The following CCDC93 variants were observed in gnomAD, a reference collection of about 807,000 sequenced individuals.
The protein encoded by CCDC93 is coiled-coil domain-containing protein 93.
CCDC93 carries 61 observed loss-of-function variants against 108.2 expected under a neutral mutation model. That is an observed-to-expected ratio of 0.56 (90% CI 0.46 to 0.70). The LOEUF is 0.70. Among genes scored for constraint, CCDC93 ranks in the 30% least tolerant of loss-of-function variants. The probability of loss-of-function intolerance (pLI) is 0.00; values close to 1 mark genes in which losing one functional copy is unlikely to be tolerated. For missense variants in CCDC93, 685 were observed against 764.2 expected (o/e 0.90, Z 1.22); for synonymous variants, 276 against 260.4 (o/e 1.06, Z -0.58).
chr2:117,983,675 T>C (rs1206581394), intron 7 of CCDC93, among the ~76,000 whole-genome samples: 6 of 89,948 alleles, frequency 6.7e-5, no homozygotes, highest in East Asian at 5.4e-4. Flanking sequence ...TATATATATA[T>C]ATAGTCATAT....
chr2:117,926,288 T>C (rs1229313009), intron 23 of CCDC93, among the ~76,000 whole-genome samples: 6 of 151,532 alleles, frequency 4.0e-5, no homozygotes, highest in Admixed American at 1.3e-4. Flanking sequence ...CTGAAGGAAA[T>C]AGAGACATAA....
intron 3 of CCDC93, among the ~76,000 whole-genome samples, 168 bp downstream of exon 3, chr2:118,006,554 C>G (rs1010064269): frequency 6.6e-6 from 1 of 152,202 alleles, no homozygotes; most frequent in African/African-American, 2.4e-5. Context: ...AGCTGTGTGA[C>G]CTTGGCTTCT....
At chr2:118,002,404 T>C (rs1676728924) in intron 3 of CCDC93, among the ~76,000 whole-genome samples, 1 of 152,156 alleles carries the variant, frequency 6.6e-6, no homozygotes, top group African/African-American at 2.4e-5. Context: ...CTAGGTGACC[T>C]AGGAACTAAA....
At chr2:117,939,244 C>T (rs1008086013) in intron 19 of CCDC93, 133 bp from the exon 20 acceptor site, 12 of 583,062 alleles carry the variant, frequency 2.1e-5, no homozygotes, top group African/African-American at 3.8e-5. Context: ...AACCCCACAG[C>T]GTGCAAACTG....
chr2:117,920,431 G>GCTAATGTAGTC, intron 23 of CCDC93, 35 bp from the exon 24 acceptor site: 1 of 1,507,686 alleles, frequency 6.6e-7, no homozygotes, highest in Non-Finnish European at 9.2e-7. Context: ...AGAGAGTGGT[G>GCTAATGTAGTC]ACTACATTAG....
In CCDC93 at chr2:117,920,373, C is replaced by G; in HGVS notation, c.1866G>C (p.Leu622=). Residue 622 remains leucine (L), a synonymous_variant, in exon 24 of 24, where the codon CTG becomes CTC. Transcript: ENST00000376300. ...AGGCCTTCGCTTTCACCTTGGACAG[C>G]AGCATCTCGTTCTTGCGGCCCTCCT... The part of the protein sequence containing the change: ...FKEEGRKNEM[L]LSKVKAKAS 6.2e-7 allele frequency: 1 copy of G among 1,613,282 alleles called. No individual in the cohort carries two copies. The highest frequency in any genetic ancestry group is 8.5e-7 in the Non-Finnish European group (1 of 1,179,372).
At chr2:117,948,760 A>G (rs1678956192) in intron 14 of CCDC93, among the ~76,000 whole-genome samples, 1 of 152,236 alleles carries the variant, frequency 6.6e-6, no homozygotes, top group African/African-American at 2.4e-5. Flanking sequence ...CATTCAAATA[A>G]GCAGCTCCCA....
intron 18 of CCDC93, 146 bp from the exon 19 acceptor site, chr2:117,941,443 G>C: frequency 1.6e-6 from 1 of 631,412 alleles, no homozygotes; most frequent in Non-Finnish European, 2.8e-6. Context: ...TGGGCTTAAA[G>C]GTCCCCATCT....
intron 13 of CCDC93, 142 bp from the exon 14 acceptor site, chr2:117,949,537 C>T (rs975152382): frequency 1.5e-6 from 1 of 676,102 alleles, no homozygotes; most frequent in African/African-American, 1.8e-5. Flanking sequence ...TAGGTAATTA[C>T]ATCATACAAC....
At chr2:117,944,589 C>G in intron 17 of CCDC93, 1 of 379,158 alleles carries the variant, frequency 2.6e-6, no homozygotes, top group South Asian at 2.1e-5. Context: ...CTCATTGAAC[C>G]CAGCAATGAG....
At chr2:117,998,598 CA>C (rs1680740770) in intron 4 of CCDC93, 1 of 152,210 alleles carries the variant, frequency 6.6e-6, no homozygotes, top group African/African-American at 2.4e-5. Flanking sequence ...TGGGCCCTCC[CA>C]TCCAGACAGA....
intron 18 of CCDC93, 102 bp downstream of exon 18, chr2:117,943,922 A>G (rs755484421): frequency 3.5e-5 from 25 of 720,158 alleles, no homozygotes; most frequent in Non-Finnish European, 5.4e-5. Context: ...CTCATTACTT[A>G]TTTTCTCTAG....
At position 117,939,077 on chromosome 2, in the gene CCDC93, G is replaced by A. The variant is rs751189136; in HGVS notation, c.1557C>T (p.Phe519=). Reference sequence around the variant, plus strand: ...TATCATCCAGGGTATTATATAAAGTGAAGAACTGCTTGGTTTCTTTGTGCA... The same window carrying A: ...TATCATCCAGGGTATTATATAAAGTAAAGAACTGCTTGGTTTCTTTGTGCA... ...SAVHKETKQF[F]TLYNTLDDKK... The change falls in exon 20 of 24, where the codon TTC becomes TTT. Residue 519 remains phenylalanine, a synonymous_variant. Coordinates refer to ENST00000376300, the MANE Select transcript of CCDC93 (RefSeq NM_019044.5). The A allele has an allele frequency of 1.6e-5, 25 of 1,607,450 alleles. No individual in the cohort carries two copies. The highest frequency in any genetic ancestry group is 2.0e-5 in the Non-Finnish European group (24 of 1,174,442).
chr2:117,936,609 C>G (rs1325021358), intron 21 of CCDC93, 93 bp downstream of exon 21: 5 of 1,002,834 alleles, frequency 5.0e-6, no homozygotes, highest in Non-Finnish European at 8.0e-6. Context: ...TTGCATGTAC[C>G]TTTGTCAAGC....
intron 20 of CCDC93, 143 bp from the exon 21 acceptor site, chr2:117,936,882 GA>G (rs929776238): frequency 8.5e-5 from 57 of 667,496 alleles, no homozygotes; most frequent in East Asian, 1.1e-4. Flanking sequence ...AGTAACATAT[GA>G]AAAAAAAATT....
intron 3 of CCDC93, among the ~76,000 whole-genome samples, chr2:118,006,053 T>C (rs1181809143): frequency 1.3e-5 from 2 of 152,142 alleles, no homozygotes; most frequent in Non-Finnish European, 2.9e-5. Context: ...CTTTGCTCCA[T>C]TTTCCCACCA....
intron 6 of CCDC93, among the ~76,000 whole-genome samples, chr2:117,991,973 C>T (rs1680487692): frequency 1.3e-5 from 2 of 152,100 alleles, no homozygotes; most frequent in African/African-American, 2.4e-5. Flanking sequence ...TAAAGAAGGG[C>T]TTGCAGAAGT....
At chr2:117,927,991 C>G (rs1373616635) in intron 23 of CCDC93, among the ~76,000 whole-genome samples, 1 of 152,016 alleles carries the variant, frequency 6.6e-6, no homozygotes, top group South Asian at 2.1e-4. Context: ...ACAAACCTGA[C>G]AAAAACAAGA....
intron 22 of CCDC93, chr2:117,934,494 T>A (rs935800992): frequency 6.6e-6 from 1 of 152,626 alleles, no homozygotes; most frequent in South Asian, 2.1e-4. Context: ...TGCTTGTTAC[T>A]AGTGATACTT....
Sources: allele counts gnomAD v4.1 joint callset (sites outside exome capture counted in the v4.1 genomes callset), GRCh38; gene constraint gnomAD v4.1.1; transcripts MANE v1.5; gene names NCBI Gene and HGNC (gene_info 2026-07-23, HGNC 2026-07-21).